The following PIGL variants were observed in gnomAD, a reference collection of about 807,000 sequenced individuals.
PIGL encodes the protein N-acetylglucosaminyl-phosphatidylinositol de-N-acetylase.
PIGL carries 22 observed loss-of-function variants against 31.1 expected under a neutral mutation model. That is an observed-to-expected ratio of 0.71 (90% CI 0.51 to 1.01). The LOEUF is 1.01. PIGL is among the 50% of genes least tolerant of loss of function. The probability of loss-of-function intolerance (pLI) is 0.00; values close to 1 mark genes in which losing one functional copy is unlikely to be tolerated. For synonymous variants in PIGL, 131 were observed against 117.4 expected, an observed-to-expected ratio of 1.12 and a Z score of -0.75; for missense variants, 302 against 315.9, an observed-to-expected ratio of 0.96 and a Z score of 0.33.
intron 2 of PIGL, among the ~76,000 whole-genome samples, chr17:16,252,785 T>C (rs188530733): frequency 3.9e-4 from 59 of 152,258 alleles, no homozygotes; most frequent in Middle Eastern, 3.4e-3. Context: ...TAACAATGCA[T>C]TTAAACCTTT....
chr17:16,290,202 C>A (rs552497658), intron 2 of PIGL, among the ~76,000 whole-genome samples: 102 of 152,098 alleles, frequency 6.7e-4, no homozygotes, highest in African/African-American at 2.3e-3. Flanking sequence ...CCTGCCTCAG[C>A]CTCCCGAGTA....
At chr17:16,237,107 T>C (rs1452179119) in intron 2 of PIGL, among the ~76,000 whole-genome samples, 1 of 140,384 alleles carries the variant, frequency 7.1e-6, no homozygotes, top group Admixed American at 7.2e-5. Flanking sequence ...CTGGCTTTTT[T>C]TTTTTTTTTT....
At chr17:16,220,564 C>T (rs1221498238) in intron 1 of PIGL, among the ~76,000 whole-genome samples, 1 of 139,836 alleles carries the variant, frequency 7.2e-6, no homozygotes, top group Non-Finnish European at 1.5e-5. Context: ...TCTTGGCTCA[C>T]TGCAACATCT....
At chr17:16,283,653 T>G (rs1211516784) in intron 2 of PIGL, among the ~76,000 whole-genome samples, 1 of 152,058 alleles carries the variant, frequency 6.6e-6, no homozygotes, top group East Asian at 1.9e-4. Context: ...AGACCCTGTC[T>G]CTTAAAAAAA....
chr17:16,293,250 C>A (rs1360202455), intron 2 of PIGL, among the ~76,000 whole-genome samples: 1 of 152,188 alleles, frequency 6.6e-6, no homozygotes, highest in Non-Finnish European at 1.5e-5. Flanking sequence ...TTCGGCCTGG[C>A]GCAGTGGCTC....
intron 2 of PIGL, among the ~76,000 whole-genome samples, chr17:16,251,394 G>C (rs990825668): frequency 3.4e-5 from 5 of 148,708 alleles, no homozygotes; most frequent in Non-Finnish European, 7.4e-5. Context: ...TTGCACCCCA[G>C]CCTGGGCAAT....
chr17:16,301,119 G>A (rs900323501), intron 3 of PIGL, among the ~76,000 whole-genome samples: 4 of 151,898 alleles, frequency 2.6e-5, no homozygotes, highest in African/African-American at 9.7e-5. Flanking sequence ...CCTGCTGGCA[G>A]AGAAACATAT....
At chr17:16,322,291 G>T (rs1448750409) in intron 6 of PIGL, among the ~76,000 whole-genome samples, 1 of 151,146 alleles carries the variant, frequency 6.6e-6, no homozygotes, top group South Asian at 2.1e-4. Flanking sequence ...ACTGGGTTTC[G>T]CCATGTTTGG....
chr17:16,277,780 T>C (rs1407418985), intron 2 of PIGL, among the ~76,000 whole-genome samples: 1 of 152,192 alleles, frequency 6.6e-6, no homozygotes, highest in Non-Finnish European at 1.5e-5. Context: ...GGATAGCCTC[T>C]ATTAAAGCCA....
At chr17:16,246,129 C>T (rs2092745702) in intron 2 of PIGL, among the ~76,000 whole-genome samples, 1 of 151,606 alleles carries the variant, frequency 6.6e-6, no homozygotes, top group South Asian at 2.1e-4. Context: ...GGTCATGGCA[C>T]CTATATTTTT....
rs537692651 is a variant in PIGL, at chr17:16,253,219, A to G, written c.335+19149A>G. 2.6e-5 allele frequency among the ~76,000 whole-genome samples: 4 copies of G among 152,138 alleles called. No homozygotes were observed. The East Asian group carries it at 7.7e-4, about 29-fold the overall frequency. ...CAGTGAGCCGAGATCACACCATTGC[A>G]CTCCAGCCTGGACAACACGAGGGAA... On this transcript the variant is annotated intron_variant, in intron 2 of 6. Coordinates refer to ENST00000225609, the MANE Select transcript of PIGL (RefSeq NM_004278.4).
intron 2 of PIGL, among the ~76,000 whole-genome samples, chr17:16,234,744 G>A (rs1202448882): frequency 6.6e-6 from 1 of 152,190 alleles, no homozygotes; most frequent in Non-Finnish European, 1.5e-5. Context: ...CAGCCTGGAT[G>A]AGAGAGCAAG....
At chr17:16,258,192 T>A (rs1349126906) in intron 2 of PIGL, among the ~76,000 whole-genome samples, 1 of 146,816 alleles carries the variant, frequency 6.8e-6, no homozygotes, top group Non-Finnish European at 1.5e-5. Flanking sequence ...TTCTTTTTTT[T>A]TTTTTTAGAT....
At chr17:16,267,993 A>G (rs2092852483) in intron 2 of PIGL, among the ~76,000 whole-genome samples, 1 of 152,210 alleles carries the variant, frequency 6.6e-6, no homozygotes, top group Non-Finnish European at 1.5e-5. Flanking sequence ...CTCGTCCCTC[A>G]AGGAGCTCCC....
intron 1 of PIGL, among the ~76,000 whole-genome samples, chr17:16,222,712 T>C (rs1307701510): frequency 7.2e-6 from 1 of 139,112 alleles, no homozygotes; most frequent in Admixed American, 7.3e-5. Context: ...AAGCTGCTAT[T>C]AAAAAAAAAA....
At chr17:16,304,628 A>C (rs1301970320) in intron 3 of PIGL, among the ~76,000 whole-genome samples, 2 of 152,202 alleles carry the variant, frequency 1.3e-5, no homozygotes, top group Non-Finnish European at 2.9e-5. Context: ...AATGTTAAAA[A>C]GAAAAGTACA....
chr17:16,253,102 C>T (rs939515545), intron 2 of PIGL, among the ~76,000 whole-genome samples: 13 of 151,526 alleles, frequency 8.6e-5, no homozygotes, highest in Admixed American at 3.3e-4. Context: ...CTGGCTGAGG[C>T]GGGTGGATCA....
intron 2 of PIGL, among the ~76,000 whole-genome samples, chr17:16,245,818 A>ATTTTT (rs201714394): frequency 8.9e-6 from 1 of 112,814 alleles, no homozygotes; most frequent in African/African-American, 3.3e-5. Context: ...ATATATATAT[A>ATTTTT]TATTTTTTTT....
chr17:16,271,955 C>T (rs1244602433), intron 2 of PIGL, among the ~76,000 whole-genome samples: 1 of 152,154 alleles, frequency 6.6e-6, no homozygotes, highest in East Asian at 1.9e-4. Flanking sequence ...AAACTCCTGG[C>T]CTCAAGCAAT....
Sources: gnomAD v4.1 joint callset for allele counts (sites outside exome capture counted in the v4.1 genomes callset) on GRCh38, gnomAD v4.1.1 for gene constraint, MANE v1.5 for transcripts, NCBI Gene and HGNC (gene_info 2026-07-23, HGNC 2026-07-21) for gene names.